Variants in RSRC2 observed in about 807,000 individuals in gnomAD.
The protein encoded by RSRC2 is arginine/serine-rich coiled-coil protein 2.
RSRC2 carries 5 observed loss-of-function variants against 61.3 expected under a neutral mutation model. The ratio of observed to expected loss-of-function variants is 0.08; its 90% CI spans 0.04 to 0.17. The LOEUF (loss-of-function observed/expected upper bound fraction) is 0.17, where lower values mean the gene tolerates loss of function less well. Among genes scored for constraint, RSRC2 ranks in the 10% least tolerant of loss-of-function variants. The pLI is 1.00. For missense variants in RSRC2, 381 were observed against 518.8 expected, an observed-to-expected ratio of 0.73 and a Z score of 2.58; for synonymous variants, 202 against 166.5, an observed-to-expected ratio of 1.21 and a Z score of -1.64.
chr12:122,514,523 C>T (rs1437388371), intron 6 of RSRC2: 1 of 888,712 alleles, frequency 1.1e-6, no homozygotes, highest in African/African-American at 1.8e-5. Flanking sequence ...GCCTCGGCCT[C>T]CCAAAATGCC....
rs981860192 is a variant in RSRC2, at chr12:122,514,510, C to A, written c.725+595G>T. 7 of 769,718 alleles carry A rather than the reference C, an allele frequency of 9.1e-6. No homozygotes were observed. The African/African-American group carries it at 1.3e-4, about 15-fold the overall frequency. The allele number at this position is 769,718 out of a possible 1,614,324, so 47.7% of individuals were successfully genotyped here. The stretch of plus-strand genomic sequence containing the variant: ...CCAACTCCTGACCTCAAGTGATCCG[C>A]CCGCCTCGGCCTCCCAAAATGCCGG... On this transcript the variant is annotated intron_variant, in intron 6 of 9. Transcript: ENST00000331738.
At chr12:122,520,614 G>C in intron 3 of RSRC2, 1 of 1,316,182 alleles carries the variant, frequency 7.6e-7, no homozygotes, top group Non-Finnish European at 1.0e-6. Context: ...ATGTTATCAT[G>C]TGAGCTAAAC....
intron 5 of RSRC2, among the ~76,000 whole-genome samples, chr12:122,516,547 A>G (rs78044957): frequency 0.01 from 1,559 of 152,344 alleles, 27 homozygotes; most frequent in African/African-American, 0.036. Context: ...AGCACGACAC[A>G]CTTACCTTTC....
chr12:122,507,602 T>A (rs946972172), intron 8 of RSRC2, among the ~76,000 whole-genome samples: 2 of 152,160 alleles, frequency 1.3e-5, no homozygotes, highest in African/African-American at 4.8e-5. Flanking sequence ...CTTTGAAAGC[T>A]TGACTTCAAT....
chr12:122,512,454 G>A (rs781292188), intron 6 of RSRC2, among the ~76,000 whole-genome samples: 31 of 152,138 alleles, frequency 2.0e-4, no homozygotes, highest in South Asian at 4.1e-4. Flanking sequence ...TCGGCCCGGC[G>A]CCACGCCTCT....
intron 1 of RSRC2, 178 bp from the exon 2 acceptor site, chr12:122,522,477 C>T (rs1357283322): frequency 2.2e-5 from 11 of 503,520 alleles, no homozygotes; most frequent in Middle Eastern, 5.1e-4. Flanking sequence ...CTTGAAATGA[C>T]GAACCTGATA....
At chr12:122,513,256 A>T (rs1160580449) in intron 6 of RSRC2, among the ~76,000 whole-genome samples, 2 of 144,378 alleles carry the variant, frequency 1.4e-5, no homozygotes. Flanking sequence ...AAATAAAATA[A>T]AAATAAAAAA....
At chr12:122,514,758 G>C (rs754831684) in intron 6 of RSRC2, 52 of 1,120,730 alleles carry the variant, frequency 4.6e-5, no homozygotes, top group Non-Finnish European at 5.8e-5. Context: ...AAAAAGTAAA[G>C]GAAAAGTCAT....
At chr12:122,524,940 A>G (rs560405925) in intron 1 of RSRC2, among the ~76,000 whole-genome samples, 4 of 152,318 alleles carry the variant, frequency 2.6e-5, no homozygotes, top group Non-Finnish European at 5.9e-5. Flanking sequence ...AAACTCTAAT[A>G]ACGGCTCGAA....
At chr12:122,525,691 T>TA (rs1369500717) in intron 1 of RSRC2, among the ~76,000 whole-genome samples, 2 of 152,020 alleles carry the variant, frequency 1.3e-5, no homozygotes, top group Non-Finnish European at 2.9e-5. Flanking sequence ...AAAAATGAGG[T>TA]AAGCACAAAA....
intron 6 of RSRC2, among the ~76,000 whole-genome samples, chr12:122,511,599 AT>A (rs965271212): frequency 6.6e-6 from 1 of 152,224 alleles, no homozygotes; most frequent in African/African-American, 2.4e-5. Flanking sequence ...CATTCGGATA[AT>A]TTTTTATATT....
chr12:122,507,881 G>A, intron 8 of RSRC2: 1 of 366,746 alleles, frequency 2.7e-6, no homozygotes, highest in Non-Finnish European at 5.3e-6. Flanking sequence ...ACTGTATGTA[G>A]GCTCTGCATC....
At chr12:122,514,947 T>C (rs1958797158) in intron 6 of RSRC2, 158 bp downstream of exon 6, 1 of 823,212 alleles carries the variant, frequency 1.2e-6, no homozygotes, top group African/African-American at 1.7e-5. Flanking sequence ...ATGTTTAGGA[T>C]GAGAATTAAA....
intron 1 of RSRC2, chr12:122,523,060 G>A (rs1372545329): frequency 2.0e-5 from 3 of 152,130 alleles, no homozygotes; most frequent in African/African-American, 7.2e-5. Flanking sequence ...GATACACCTG[G>A]GGAATTGATT....
intron 6 of RSRC2, chr12:122,514,636 C>A (rs1593388381): frequency 3.0e-6 from 3 of 1,010,958 alleles, no homozygotes; most frequent in Non-Finnish European, 1.2e-6. Context: ...CTTACAAGAT[C>A]AAATAAATTA....
rs1351686360 is a variant in RSRC2, at chr12:122,517,238, C to G, written c.591G>C (p.Arg197Ser). The part of the protein sequence containing the change: ...RHRTRSRSRT[R>S]SRSRDRKKRI... ...TGATGGTCACCTACCGACTCCTACT[C>G]CTTGTCCTACTCCTGCTTCTAGTCC... Residue 197 changes from arginine to serine, a missense_variant, in exon 5 of 10, where the codon AGG becomes AGC. Around this residue, in one of 4 missense-constraint regions of RSRC2, gnomAD observed 266 missense variants for 270.5 expected, o/e 0.98. Coordinates refer to ENST00000331738, the MANE Select transcript of RSRC2 (RefSeq NM_023012.6). 6.2e-7 allele frequency: 1 copy of G among 1,614,058 alleles called. No individual in the cohort carries two copies. The highest frequency in any genetic ancestry group is 1.3e-5 in the African/African-American group (1 of 74,932).
chr12:122,514,775 T>C (rs1958785227), intron 6 of RSRC2: 1 of 1,064,882 alleles, frequency 9.4e-7, no homozygotes, highest in Non-Finnish European at 1.2e-6. Context: ...TCATCTTAGA[T>C]GAGAAAATAA....
chr12:122,515,628 T>C (rs907723731), intron 5 of RSRC2, among the ~76,000 whole-genome samples: 2 of 152,216 alleles, frequency 1.3e-5, no homozygotes, highest in Non-Finnish European at 2.9e-5. Context: ...ACAGGAATCA[T>C]TCCTACATAT....
intron 5 of RSRC2, 138 bp downstream of exon 5, chr12:122,517,089 T>A: frequency 8.1e-7 from 1 of 1,231,296 alleles, no homozygotes; most frequent in South Asian, 1.5e-5. Flanking sequence ...TCTTCATACG[T>A]TAGGTAATGA....
Sources: allele counts gnomAD v4.1 joint callset (sites outside exome capture counted in the v4.1 genomes callset), GRCh38; gene constraint gnomAD v4.1.1; regional missense constraint gnomAD v4.1.1; transcripts MANE v1.5; gene names NCBI Gene and HGNC (gene_info 2026-07-23, HGNC 2026-07-21).